The following GZMH variants were observed in gnomAD, a reference collection of about 807,000 sequenced individuals.
The protein encoded by GZMH is granzyme H.
Under a neutral mutation model 20.7 loss-of-function variants are expected in GZMH, and 24 were observed. The ratio of observed to expected loss-of-function variants is 1.16; its 90% CI spans 0.84 to 1.63. The LOEUF is 1.63. GZMH is among the 40% of genes most tolerant of loss of function. The probability of loss-of-function intolerance (pLI) is 0.00; values close to 1 mark genes in which losing one functional copy is unlikely to be tolerated. For missense variants in GZMH, 344 were observed against 302.7 expected (o/e 1.14, Z -1.01); for synonymous variants, 119 against 116.1 (o/e 1.02, Z -0.16).
rs1254580938 is a variant in GZMH, at chr14:24,606,644, G to A, written c.700C>T (p.His234Tyr). The A allele has an allele frequency of 5.6e-6, 9 of 1,614,068 alleles. No homozygotes were observed. The highest frequency in any genetic ancestry group is 2.2e-5 in the East Asian group (1 of 44,886). ...TPPGVYIKVSHFLPWIKRTMK... is the reference protein window; with the variant it reads ...TPPGVYIKVSYFLPWIKRTMK... ...GTTCTCTTTATCCAGGGCAGGAAGT[G>A]TGAGACCTTGATGTAGACTCCTGGA... is the stretch of plus-strand genomic sequence containing the variant. The change falls in exon 5 of 5, where the codon CAC (histidine) becomes TAC (tyrosine). Residue 234 changes from histidine to tyrosine, a missense_variant. His to Tyr is a moderately conservative substitution (Grantham distance 83, BLOSUM62 2). Transcript: ENST00000216338.
In GZMH at chr14:24,606,627, T is replaced by C. The variant is rs1361980910; in HGVS notation, c.717A>G (p.Ile239Met). 1.9e-6 allele frequency: 3 copies of C among 1,613,860 alleles called. No individual in the cohort carries two copies. Among genetic ancestry groups the C allele is most frequent in the African/African-American group, 1.3e-5 (1 of 74,896 alleles). The part of the protein sequence containing the change: ...YIKVSHFLPW[I>M]KRTMKRL ...GTTAGAGGCGCTTCATTGTTCTCTT[T>C]ATCCAGGGCAGGAAGTGTGAGACCT... The change falls in exon 5 of 5, where the codon ATA (isoleucine) becomes ATG (methionine). Residue 239 changes from isoleucine to methionine, a missense_variant. Transcript: ENST00000216338.
chr14:24,606,588 G>C lies in GZMH; in HGVS notation c.*15C>G. The C allele has an allele frequency of 6.2e-7, 1 of 1,610,664 alleles. No individual in the cohort carries two copies. Among genetic ancestry groups the C allele is most frequent in the Non-Finnish European group, 8.5e-7 (1 of 1,178,672 alleles). ...GATGGTCAGGCCCAGAGGAAGGTTA[G>C]TCTCATGCCTGCTGTTAGAGGCGCT... is the stretch of plus-strand genomic sequence containing the variant. On this transcript the variant is annotated 3_prime_UTR_variant, in exon 5 of 5. Transcript: ENST00000216338.
Position 24,606,604 on chromosome 14 carries a change from T to G in GZMH, c.740A>C (p.Ter247SerextTer4). The change falls in exon 5 of 5, where the codon TAA becomes TCA. Residue 247 changes from the stop codon to serine (S), a stop_lost. Transcript: ENST00000216338. ...GGAAGGTTAGTCTCATGCCTGCTGTTAGAGGCGCTTCATTGTTCTCTTTAT... is the reference window on the plus strand; with the variant it reads ...GGAAGGTTAGTCTCATGCCTGCTGTGAGAGGCGCTTCATTGTTCTCTTTAT... ...PWIKRTMKRL[*>S] 6.2e-7 allele frequency: 1 copy of G among 1,612,886 alleles called. No individual in the cohort carries two copies. Among genetic ancestry groups the G allele is most frequent in the Non-Finnish European group, 8.5e-7 (1 of 1,179,574 alleles).
At chr14:24,609,497 T>C in intron 1 of GZMH, 62 bp downstream of exon 1, 1 of 1,107,828 alleles carries the variant, frequency 9.0e-7, no homozygotes, top group Non-Finnish European at 1.3e-6. Flanking sequence ...TGACCAGTGC[T>C]CATGGGTACA....
At position 24,608,304 on chromosome 14, in the gene GZMH, C is replaced by G. The variant is rs1420898248; in HGVS notation, c.164G>C (p.Arg55Thr). 1 of 1,614,214 alleles carries G rather than the reference C, an allele frequency of 6.2e-7. No individual in the cohort carries two copies. Among genetic ancestry groups the G allele is most frequent in the Admixed American group, 1.7e-5 (1 of 60,030 alleles). Reference sequence around the variant, plus strand: ...AGCAGCTGTCAGCACAAAGTCCTTTCTCACTAGGATGCCGCCACACCTCTT... The same window carrying G: ...AGCAGCTGTCAGCACAAAGTCCTTTGTCACTAGGATGCCGCCACACCTCTT... ...SRKRCGGILV[R>T]KDFVLTAAHC... is the part of the protein sequence containing the mutation. Residue 55 changes from arginine (R) to threonine (T), a missense_variant, in exon 2 of 5, where the codon AGA becomes ACA. Transcript: ENST00000216338.
chr14:24,607,701 G>C lies in GZMH; in HGVS notation c.250C>G (p.Arg84Gly), dbSNP rs200477141. Residue 84 changes from arginine to glycine, a missense_variant, in exon 3 of 5, where the codon CGG becomes GGG. Transcript: ENST00000216338. ...LGAHNIKEQE[R>G]TQQFIPVKRP... is the part of the protein sequence containing the mutation. ...TTCACAGGGATAAACTGCTGGGTCC[G>C]CTCCTGTTCCTTGATATTGTGGGCC... 1 of 1,613,970 alleles carries C rather than the reference G, an allele frequency of 6.2e-7. No homozygotes were observed.
chr14:24,607,898 C>T (rs1594818136), intron 2 of GZMH, 151 bp from the exon 3 acceptor site: 4 of 1,093,496 alleles, frequency 3.7e-6, no homozygotes, highest in East Asian at 4.9e-5. Flanking sequence ...TGACTGTGCC[C>T]TCTACTTCAC....
Position 24,609,532 on chromosome 14 carries a change from G to A in GZMH, c.55+27C>T, listed in dbSNP as rs750065413. 5.2e-6 allele frequency: 8 copies of A among 1,549,994 alleles called. No homozygotes were observed. In the African/African-American group the frequency reaches 8.2e-5, roughly 16 times the overall value. ...AGGGTATCTTATAAGATGGGTTCAG[G>A]CCTCTGGAATAGGGATAGTCACTTA... is the stretch of plus-strand genomic sequence containing the variant. On this transcript the variant is annotated intron_variant, in intron 1 of 4. Transcript: ENST00000216338.
chr14:24,606,762 G>A lies in GZMH; in HGVS notation c.598-16C>T, dbSNP rs1014218392. ...CGGAGTCCCCCTGTGAACAGAGAGAGGAAAGACTGAGCTAGTGTTCCCTGG... is the reference window on the plus strand; with the variant it reads ...CGGAGTCCCCCTGTGAACAGAGAGAAGAAAGACTGAGCTAGTGTTCCCTGG... On this transcript the variant is annotated splice_polypyrimidine_tract_variant and intron_variant, in intron 4 of 4. Coordinates refer to ENST00000216338, the MANE Select transcript of GZMH (RefSeq NM_033423.5). 2 of 1,610,238 alleles carry A rather than the reference G, an allele frequency of 1.2e-6. No individual in the cohort carries two copies. Among genetic ancestry groups the A allele is most frequent in the African/African-American group, 2.7e-5 (2 of 74,838 alleles).
chr14:24,608,143 G>A (rs1479754039), intron 2 of GZMH, 122 bp downstream of exon 2: 29 of 1,079,908 alleles, frequency 2.7e-5, no homozygotes, highest in Middle Eastern at 5.3e-4. Context: ...TGGCTGCTCC[G>A]ATGAGCTTTC....
At position 24,607,471 on chromosome 14, in the gene GZMH, G is replaced by A. The variant is rs150394280; in HGVS notation, c.340-65C>T. On this transcript the variant is annotated intron_variant, in intron 3 of 4. Transcript: ENST00000216338. ...GCCTTCTGGGCCCCGACACAGTGAT[G>A]GGGCTGCACAATCTTCCCTCTCCTC... 111 of 1,577,516 alleles carry A rather than the reference G, an allele frequency of 7.0e-5. No individual in the cohort carries two copies. In the East Asian group the frequency reaches 2.0e-3, roughly 28 times the overall value.
In GZMH at chr14:24,608,271, T is replaced by C; in HGVS notation, c.197A>G (p.Gln66Arg). Reference sequence around the variant, plus strand: ...AGCTGGTGCTGCTCCTTACCTTCCCTGGCAGTGAGCAGCTGTCAGCACAAA... The same window carrying C: ...AGCTGGTGCTGCTCCTTACCTTCCCCGGCAGTGAGCAGCTGTCAGCACAAA... Reference protein sequence around the residue: ...KDFVLTAAHCQGSSINVTLGA... With the variant: ...KDFVLTAAHCRGSSINVTLGA... The change falls in exon 2 of 5, where the codon CAG (glutamine) becomes CGG (arginine). Residue 66 changes from glutamine (Q) to arginine (R), a missense_variant. Coordinates refer to ENST00000216338, the MANE Select transcript of GZMH (RefSeq NM_033423.5). The C allele has an allele frequency of 1.2e-6, 2 of 1,614,116 alleles. No homozygotes were observed. The highest frequency in any genetic ancestry group is 1.7e-6 in the Non-Finnish European group (2 of 1,179,964).
At chr14:24,608,727 C>T (rs1380310935) in intron 1 of GZMH, among the ~76,000 whole-genome samples, 1 of 152,226 alleles carries the variant, frequency 6.6e-6, no homozygotes, top group African/African-American at 2.4e-5. Flanking sequence ...TTCCCAGGCT[C>T]CTCCTTTTTA....
In GZMH at chr14:24,606,615, C is replaced by T. The variant is rs1314499394; in HGVS notation, c.729G>A (p.Met243Ile). The change falls in exon 5 of 5, where the codon ATG becomes ATA. Residue 243 changes from methionine (M) to isoleucine (I), a missense_variant. Met to Ile is a conservative substitution (Grantham distance 10). Coordinates refer to ENST00000216338, the MANE Select transcript of GZMH (RefSeq NM_033423.5). ...SHFLPWIKRT[M>I]KRL ...CTCATGCCTGCTGTTAGAGGCGCTT[C>T]ATTGTTCTCTTTATCCAGGGCAGGA... The T allele has an allele frequency of 1.2e-6, 2 of 1,613,408 alleles. No homozygotes were observed. The highest frequency in any genetic ancestry group is 2.2e-5 in the South Asian group (2 of 90,990).
rs755617042 is a variant in GZMH at position 24,608,309 on chromosome 14, T to C, written c.159A>G (p.Leu53=). Residue 53 remains leucine (L), a synonymous_variant, in exon 2 of 5, where the codon CTA becomes CTG. Transcript: ENST00000216338. ...EKSRKRCGGI[L]VRKDFVLTAA... ...CTGTCAGCACAAAGTCCTTTCTCAC[T>C]AGGATGCCGCCACACCTCTTCCGAC... The C allele has an allele frequency of 6.2e-7, 1 of 1,614,146 alleles. No individual in the cohort carries two copies. Among genetic ancestry groups the C allele is most frequent in the Admixed American group, 1.7e-5 (1 of 60,020 alleles).
chr14:24,606,715 T>G lies in GZMH; in HGVS notation c.629A>C (p.Asp210Ala). Residue 210 changes from aspartate (D) to alanine (A), a missense_variant, in exon 5 of 5, where the codon GAC becomes GCC. Physicochemically the swap from Asp to Ala is moderately radical, Grantham distance 126. Coordinates refer to ENST00000216338, the MANE Select transcript of GZMH (RefSeq NM_033423.5). ...GDSGGPLVCK[D>A]VAQGILSYGN... ...ATAGGAGAGAATACCTTGGGCTACG[T>G]CCTTACACACGAGGGGCCCCCCGGA... is the stretch of plus-strand genomic sequence containing the variant. 1 of 1,613,906 alleles carries G rather than the reference T, an allele frequency of 6.2e-7. No homozygotes were observed. Among genetic ancestry groups the G allele is most frequent in the Non-Finnish European group, 8.5e-7 (1 of 1,179,874 alleles).
rs139810004 is a variant in GZMH, at chr14:24,609,621, G to T, written c.-8C>A. The T allele has an allele frequency of 1.2e-6, 2 of 1,609,830 alleles. No individual in the cohort carries two copies. Among genetic ancestry groups the T allele is most frequent in the African/African-American group, 2.7e-5 (2 of 74,922 alleles). The stretch of plus-strand genomic sequence containing the variant: ...GAGGAGGAATGGCTGCATTTTCTCA[G>T]GAAGGCTGCCCAGGTCAGAGCTGTT... On this transcript the variant is annotated 5_prime_UTR_variant, in exon 1 of 5. In the 5' UTR this introduces an upstream ATG that the reference lacks. Transcript: ENST00000216338.
In GZMH at chr14:24,608,251, G is replaced by A. The variant is rs368967497; in HGVS notation, c.203+14C>T. ...TAGGGGGAACTCAGGAGGTGAGCTG[G>A]TGCTGCTCCTTACCTTCCCTGGCAG... On this transcript the variant is annotated intron_variant, in intron 2 of 4. Transcript: ENST00000216338. 9 of 1,613,870 alleles carry A rather than the reference G, an allele frequency of 5.6e-6. No individual in the cohort carries two copies. Among genetic ancestry groups the A allele is most frequent in the African/African-American group, 1.3e-5 (1 of 74,928 alleles).
Position 24,606,548 on chromosome 14 carries a change from T to A in GZMH, c.*55A>T, listed in dbSNP as rs2066868516. The A allele has an allele frequency of 6.4e-7, 1 of 1,556,670 alleles. No individual in the cohort carries two copies. Among genetic ancestry groups the A allele is most frequent in the South Asian group, 1.2e-5 (1 of 83,342 alleles). ...CGACTGCCCACCCCTTGGGGATTCT[T>A]GCCTCTGTCCCAGAGATGGTCAGGC... On this transcript the variant is annotated 3_prime_UTR_variant, in exon 5 of 5. Coordinates refer to ENST00000216338, the MANE Select transcript of GZMH (RefSeq NM_033423.5).
Sources: allele counts gnomAD v4.1 joint callset (sites outside exome capture counted in the v4.1 genomes callset), GRCh38; gene constraint gnomAD v4.1.1; transcripts MANE v1.5; gene names NCBI Gene and HGNC (gene_info 2026-07-23, HGNC 2026-07-21).